Variants in HUWE1 observed in about 807,000 individuals in gnomAD.
HUWE1 encodes the protein HECT, UBA and WWE domain containing E3 ubiquitin protein ligase 1, also known as E3 ubiquitin-protein ligase HUWE1.
HUWE1 carries 18 observed loss-of-function variants against 299.4 expected under a neutral mutation model. The observed-to-expected ratio is 0.06, with a 90% CI of 0.04 to 0.09. The LOEUF is 0.09. Among genes scored for constraint, HUWE1 ranks in the 10% least tolerant of loss-of-function variants. HUWE1 has a pLI of 1.00. For synonymous variants in HUWE1, 1,317 were observed against 1,286.1 expected, an observed-to-expected ratio of 1.02 and a Z score of -0.51; for missense variants, 1,832 against 3,462.3, an observed-to-expected ratio of 0.53 and a Z score of 11.82.
chrX:53,560,148 A>C (rs782035163), intron 56 of HUWE1, 40 bp downstream of exon 56: 2 of 1,090,272 alleles, frequency 1.8e-6, no homozygotes. Flanking sequence ...GAAAATTCTT[A>C]CAAGAGCTCC....
chrX:53,652,454 A>C (rs1342883711), intron 4 of HUWE1, among the ~76,000 whole-genome samples: 1 of 112,000 alleles, frequency 8.9e-6, no homozygotes, highest in Non-Finnish European at 1.9e-5. Flanking sequence ...CCATATATCT[A>C]GTTCTTATAT....
intron 60 of HUWE1, among the ~76,000 whole-genome samples, chrX:53,555,192 G>A (rs1040435825): frequency 1.8e-5 from 2 of 111,824 alleles, no homozygotes; most frequent in Admixed American, 1.9e-4. Context: ...GGTGGAAGGG[G>A]GAAGATTTCA....
At chrX:53,632,076 A>C (rs1557023201) in intron 9 of HUWE1, 1 of 345,483 alleles carries the variant, frequency 2.9e-6, no homozygotes, top group Non-Finnish European at 5.5e-6. Flanking sequence ...CAAACTCTTT[A>C]GTACCTCCTC....
chrX:53,618,262 G>A, intron 19 of HUWE1, among the ~76,000 whole-genome samples: 1 of 110,626 alleles, frequency 9.0e-6, no homozygotes, highest in Non-Finnish European at 1.9e-5. Context: ...ATAGAAAATA[G>A]AGCAATAATA....
chrX:53,594,718 C>T, intron 30 of HUWE1, 97 bp from the exon 31 acceptor site: 1 of 856,426 alleles, frequency 1.2e-6, no homozygotes, highest in East Asian at 3.3e-5. Context: ...AATTTACACA[C>T]TGAAGTGACA....
At position 53,585,070 on chromosome X, in the gene HUWE1, C is replaced by T. The variant is rs782248930; in HGVS notation, c.4943G>A (p.Ser1648Asn). ...IDSAWKSGET[S>N]VRFTAGRRRY... Reference sequence around the variant, plus strand: ...TCTTCGGCCTGCAGTGAATCGCACGCTTGTCTCTCCAGATTTCCAGGCAGA... The same window carrying T: ...TCTTCGGCCTGCAGTGAATCGCACGTTTGTCTCTCCAGATTTCCAGGCAGA... Residue 1648 changes from serine to asparagine, a missense_variant, in exon 40 of 84, where the codon AGC becomes AAC. By Grantham distance (46) the Ser-to-Asn change is conservative. This residue lies in a region of HUWE1 where 658 missense variants were observed against 1,282.6 expected (regional missense o/e 0.51). Transcript: ENST00000262854. 8.3e-7 allele frequency: 1 copy of T among 1,211,961 alleles called. No homozygotes were observed. Among genetic ancestry groups the T allele is most frequent in the Non-Finnish European group, 1.1e-6 (1 of 895,590 alleles).
chrX:53,666,440 CT>C (rs1253716888), intron 3 of HUWE1, among the ~76,000 whole-genome samples: 3 of 111,564 alleles, frequency 2.7e-5, no homozygotes, highest in African/African-American at 9.8e-5. Flanking sequence ...GTTCATTATG[CT>C]TTTTTCTATT....
At position 53,540,915 on chromosome X, in the gene HUWE1, T is replaced by C. The variant is rs191780950; in HGVS notation, c.11477-1103A>G. Among the ~76,000 whole-genome samples the C allele has an allele frequency of 5.1e-4, 57 of 111,791 alleles. No homozygotes were observed. The East Asian group carries it at 0.013, about 26-fold the overall frequency. Reference sequence around the variant, plus strand: ...CCCAAATCCTGACTATTCTTCAAGGTTCTGACAGCCTTAGGTTTGAATCCT... The same window carrying C: ...CCCAAATCCTGACTATTCTTCAAGGCTCTGACAGCCTTAGGTTTGAATCCT... On this transcript the variant is annotated intron_variant, in intron 74 of 83. Transcript: ENST00000262854.
chrX:53,584,928 G>T, intron 40 of HUWE1, 84 bp downstream of exon 40: 1 of 1,007,638 alleles, frequency 9.9e-7, no homozygotes, highest in Non-Finnish European at 1.4e-6. Flanking sequence ...TCAATGTGTG[G>T]TGTTGGGCTG....
rs1556924804 is a variant in HUWE1, at chrX:53,548,049, T to A, written c.10260A>T (p.Glu3420Asp). 1 of 1,208,521 alleles carries A rather than the reference T, an allele frequency of 8.3e-7. No individual in the cohort carries two copies. The highest frequency in any genetic ancestry group is 3.0e-5 in the East Asian group (1 of 33,737). ...AGGCCTCGAGGCTGTATGGAGAGGTTTCCCCCTCACCGCCAGCGCTCACTG... is the reference window on the plus strand; with the variant it reads ...AGGCCTCGAGGCTGTATGGAGAGGTATCCCCCTCACCGCCAGCGCTCACTG... ...SVPVSAGGEG[E>D]TSPYSLEASP... is the part of the protein sequence containing the mutation. Residue 3420 changes from glutamate (E) to aspartate (D), a missense_variant, in exon 68 of 84, where the codon GAA becomes GAT. By Grantham distance (45) the Glu-to-Asp change is conservative (BLOSUM62 2). This residue lies in a region of HUWE1 where 119 missense variants were observed against 124.6 expected (regional missense o/e 0.96). Coordinates refer to ENST00000262854, the MANE Select transcript of HUWE1 (RefSeq NM_031407.7).
intron 28 of HUWE1, among the ~76,000 whole-genome samples, chrX:53,602,233 G>A (rs184990634): frequency 9.1e-6 from 1 of 110,383 alleles, no homozygotes; most frequent in East Asian, 2.8e-4. Flanking sequence ...ACCTTTATAT[G>A]GTACCTAACA....
chrX:53,679,224 G>C (rs782714913), intron 3 of HUWE1, among the ~76,000 whole-genome samples: 154 of 110,909 alleles, frequency 1.4e-3, no homozygotes, highest in African/African-American at 4.7e-3. Flanking sequence ...TTTAACAGCT[G>C]TATCAATGCT....
chrX:53,560,844 G>A (rs1435690926), intron 55 of HUWE1, among the ~76,000 whole-genome samples: 1 of 111,692 alleles, frequency 9.0e-6, no homozygotes, highest in Non-Finnish European at 1.9e-5. Context: ...ATAGTGCAAT[G>A]TAATGCCTGC....
Position 53,538,724 on chromosome X carries a change from A to ACACT in HUWE1, c.11878+110_11878+111insAGTG, listed in dbSNP as rs1556915582. Reference sequence around the variant, plus strand: ...CACACACACACACACACACACACACACTCTCTCTCTCTCTCTCTCTCTCTC... The same window carrying ACACT: ...CACACACACACACACACACACACACACACTCTCTCTCTCTCTCTCTCTCTCTCTC... On this transcript the variant is annotated intron_variant, in intron 76 of 83. Transcript: ENST00000262854. The ACACT allele has an allele frequency of 2.3e-3, 996 of 424,867 alleles. 14 individuals are homozygous for ACACT. The African/African-American group carries it at 0.026, about 11-fold the overall frequency. 35.0% of individuals were successfully genotyped at this position (424,867 alleles called of 1,213,427 possible).
At chrX:53,563,025 C>T (rs1031812421) in intron 52 of HUWE1, 96 bp from the exon 53 acceptor site, 12 of 721,117 alleles carry the variant, frequency 1.7e-5, no homozygotes, top group Non-Finnish European at 2.4e-5. Flanking sequence ...TAGCAGATAT[C>T]CACTTTTTTT....
intron 7 of HUWE1, among the ~76,000 whole-genome samples, chrX:53,643,001 T>G (rs1358693026): frequency 8.9e-6 from 1 of 112,529 alleles, no homozygotes; most frequent in Non-Finnish European, 1.9e-5. Flanking sequence ...CATGACAAAA[T>G]GAGGTTGTAC....
intron 2 of HUWE1, among the ~76,000 whole-genome samples, chrX:53,685,750 A>G (rs781926634): frequency 3.6e-5 from 4 of 112,065 alleles, no homozygotes; most frequent in Admixed American, 9.4e-5. Flanking sequence ...TGGGAAGGCA[A>G]TTTGGACAAA....
chrX:53,571,240 T>G (rs2062813043), intron 47 of HUWE1, among the ~76,000 whole-genome samples: 1 of 112,340 alleles, frequency 8.9e-6, no homozygotes, highest in Non-Finnish European at 1.9e-5. Flanking sequence ...CTTAATAAAT[T>G]TGTAATTAAA....
At chrX:53,584,405 G>GATGTCCCTCCCCTCCCCC in intron 40 of HUWE1, 60 bp from the exon 41 acceptor site, 1 of 960,272 alleles carries the variant, frequency 1.0e-6, no homozygotes, top group Non-Finnish European at 1.5e-6. Flanking sequence ...AAAGGTGGGG[G>GATGTCCCTCCCCTCCCCC]AGGGGAGGGA....
Sources: gnomAD v4.1 joint callset for allele counts (sites outside exome capture counted in the v4.1 genomes callset) on GRCh38, gnomAD v4.1.1 for gene constraint, gnomAD v4.1.1 regional missense constraint, MANE v1.5 for transcripts, NCBI Gene and HGNC (gene_info 2026-07-23, HGNC 2026-07-21) for gene names.